Variants in KMT2A observed in about 807,000 individuals in gnomAD.
KMT2A encodes the protein lysine methyltransferase 2A.
KMT2A carries 16 observed loss-of-function variants against 345.3 expected under a neutral mutation model. That is an observed-to-expected ratio of 0.05 (90% CI 0.03 to 0.07). KMT2A has a LOEUF of 0.07. KMT2A is among the 10% of genes least tolerant of loss of function. KMT2A has a pLI of 1.00. For missense variants in KMT2A, 3,272 were observed against 4,841.6 expected (o/e 0.68, Z 9.62); for synonymous variants, 1,599 against 1,778.6 (o/e 0.90, Z 2.54).
intron 1 of KMT2A, among the ~76,000 whole-genome samples, chr11:118,442,191 C>T (rs1555026008): frequency 6.6e-6 from 1 of 152,200 alleles, no homozygotes; most frequent in Non-Finnish European, 1.5e-5. Flanking sequence ...TCTTTCCATT[C>T]TTCCTCTGCC....
rs1457317485 is a variant in KMT2A, at chr11:118,498,158, A to G, written c.5802+85A>G. ...CCTGTGGGTGAATATGGCCTCCCTGATATTTTTCACAGTGCCATCAGGGTA... is the reference window on the plus strand; with the variant it reads ...CCTGTGGGTGAATATGGCCTCCCTGGTATTTTTCACAGTGCCATCAGGGTA... On this transcript the variant is annotated intron_variant, in intron 21 of 35. Transcript: ENST00000534358. The surrounding 1 kb of genome is among the most constrained non-coding windows in gnomAD (Gnocchi z 4.4). 10 of 1,464,680 alleles carry G rather than the reference A, an allele frequency of 6.8e-6. No individual in the cohort carries two copies. The highest frequency in any genetic ancestry group is 1.2e-5 in the South Asian group (1 of 82,320). 90.7% of individuals were successfully genotyped at this position (1,464,680 alleles called of 1,614,324 possible). A position where few individuals can be genotyped will look rare whatever the true frequency, so the allele number is the denominator to read the frequency against.
Position 118,491,416 on chromosome 11 carries a change from T to C in KMT2A, c.4819+98T>C. 2.5e-6 allele frequency: 3 copies of C among 1,190,170 alleles called. No individual in the cohort carries two copies. The highest frequency in any genetic ancestry group is 1.6e-5 in the African/African-American group (1 of 64,214). 73.7% of individuals were successfully genotyped at this position (1,190,170 alleles called of 1,614,324 possible). A position where few individuals can be genotyped will look rare whatever the true frequency, so the allele number is the denominator to read the frequency against. ...ACCTAAAATTATGGTTGTGTTGTTA[T>C]TTGAAATCTCTAAATTTATTTTTTA... On this transcript the variant is annotated intron_variant, in intron 14 of 35. Coordinates refer to ENST00000534358, the MANE Select transcript of KMT2A (RefSeq NM_001197104.2). This position sits in a 1 kb window ranked among gnomAD's most constrained non-coding sequence, Gnocchi z 4.2.
At chr11:118,458,628 T>C (rs1360570099) in intron 1 of KMT2A, among the ~76,000 whole-genome samples, 1 of 152,202 alleles carries the variant, frequency 6.6e-6, no homozygotes, top group Non-Finnish European at 1.5e-5. Flanking sequence ...AGAAGACAAA[T>C]GTGTGAACAC....
chr11:118,498,453 C>G lies in KMT2A; in HGVS notation c.5886C>G (p.Ser1962=). ...CCAGCAACTATCACTTCATGTGTTC[C>G]CGAGCCAAGAACTGTGTCTTTCTGG... The part of the protein sequence containing the change: ...SCTSNYHFMC[S]RAKNCVFLDD... The change falls in exon 22 of 36, where the codon TCC becomes TCG. Residue 1962 remains serine (S), a synonymous_variant. Transcript: ENST00000534358. This position sits in a 1 kb window ranked among gnomAD's most constrained non-coding sequence, Gnocchi z 4.4. 1 of 1,613,794 alleles carries G rather than the reference C, an allele frequency of 6.2e-7. No homozygotes were observed. Among genetic ancestry groups the G allele is most frequent in the Non-Finnish European group, 8.5e-7 (1 of 1,179,918 alleles).
intron 31 of KMT2A, among the ~76,000 whole-genome samples, chr11:118,513,879 A>G (rs1214846857): frequency 6.7e-6 from 1 of 148,998 alleles, no homozygotes; most frequent in Admixed American, 6.7e-5. Context: ...TCAAGCCTAC[A>G]GTGAGCCAAG....
chr11:118,456,922 A>G (rs1555031064), intron 1 of KMT2A, among the ~76,000 whole-genome samples: 1 of 152,018 alleles, frequency 6.6e-6, no homozygotes, highest in African/African-American at 2.4e-5. Context: ...AACCTAATCA[A>G]CCTAAGCCAG....
At chr11:118,483,232 CA>C (rs35780241) in intron 8 of KMT2A, among the ~76,000 whole-genome samples, 9,372 of 115,790 alleles carry the variant, frequency 0.081, 390 homozygotes, top group Middle Eastern at 0.14. Flanking sequence ...GACTCCATCC[CA>C]AAAAAAAAAA....
At position 118,504,848 on chromosome 11, in the gene KMT2A, C is replaced by T; in HGVS notation, c.8956C>T (p.Pro2986Ser). 1 of 1,614,020 alleles carries T rather than the reference C, an allele frequency of 6.2e-7. No homozygotes were observed. The highest frequency in any genetic ancestry group is 8.5e-7 in the Non-Finnish European group (1 of 1,179,912). The change falls in exon 27 of 36, where the codon CCA (proline) becomes TCA (serine). Residue 2986 changes from proline to serine, a missense_variant. Physicochemically the swap from Pro to Ser is moderately conservative, Grantham distance 74. Around this residue, in one of 27 missense-constraint regions of KMT2A, gnomAD observed 748 missense variants for 922.2 expected, o/e 0.81. Transcript: ENST00000534358. The surrounding 1 kb of genome is among the most constrained non-coding windows in gnomAD (Gnocchi z 6.4). ...DPALLSPGVDPTPEGHMTPDH... is the reference protein window; with the variant it reads ...DPALLSPGVDSTPEGHMTPDH... ...AGCACTGCTGAGCCCAGGAGTAGAT[C>T]CAACTCCTGAAGGCCACATGACTCC...
chr11:118,487,663 A>C (rs1418647240), intron 10 of KMT2A, among the ~76,000 whole-genome samples: 1 of 152,206 alleles, frequency 6.6e-6, no homozygotes, highest in African/African-American at 2.4e-5. Context: ...TAAATATTTT[A>C]GTGTATATTT....
rs529275565 is a variant in KMT2A, at chr11:118,444,643, A to T, written c.432+7699A>T. Among the ~76,000 whole-genome samples, 229 of 152,282 alleles carry T rather than the reference A, an allele frequency of 1.5e-3. 3 individuals carry two copies. The highest frequency in any genetic ancestry group is 6.8e-3 in the Middle Eastern group (2 of 294). ...TAGGCTAGAGTGTAATGGCACAAACATTTCATTTCAGCCTCAACCTCCAGG... is the reference window on the plus strand; with the variant it reads ...TAGGCTAGAGTGTAATGGCACAAACTTTTCATTTCAGCCTCAACCTCCAGG... On this transcript the variant is annotated intron_variant, in intron 1 of 35. Transcript: ENST00000534358.
chr11:118,474,629 G>A (rs140355505), intron 3 of KMT2A, among the ~76,000 whole-genome samples: 101 of 152,300 alleles, frequency 6.6e-4, no homozygotes, highest in African/African-American at 2.4e-3. Flanking sequence ...AACTAAGGTT[G>A]GGACTATATC....
At position 118,503,263 on chromosome 11, in the gene KMT2A, T is replaced by C. The variant is rs1555046541; in HGVS notation, c.7371T>C (p.Thr2457=). The C allele has an allele frequency of 1.2e-6, 2 of 1,613,960 alleles. No homozygotes were observed. The highest frequency in any genetic ancestry group is 1.7e-6 in the Non-Finnish European group (2 of 1,180,022). Residue 2457 remains threonine, a synonymous_variant, in exon 27 of 36, where the codon ACT becomes ACC. Coordinates refer to ENST00000534358, the MANE Select transcript of KMT2A (RefSeq NM_001197104.2). This position sits in a 1 kb window ranked among gnomAD's most constrained non-coding sequence, Gnocchi z 5.3. ...KSFLEPGQVT[T]GEEGNLKPEF... ...TTTTGGAACCTGGTCAGGTGACAACTGGTGAGGAAGGAAACTTGAAGCCAG... is the reference window on the plus strand; with the variant it reads ...TTTTGGAACCTGGTCAGGTGACAACCGGTGAGGAAGGAAACTTGAAGCCAG...
At chr11:118,478,286 A>C in intron 5 of KMT2A, 85 bp downstream of exon 5, 2 of 1,000,224 alleles carry the variant, frequency 2.0e-6, no homozygotes, top group Non-Finnish European at 3.0e-6. Context: ...GAGATACATC[A>C]GGAAACTGAA....
chr11:118,499,767 G>A (rs1950470101), intron 23 of KMT2A, 68 bp from the exon 24 acceptor site: 1 of 1,193,664 alleles, frequency 8.4e-7, no homozygotes, highest in Non-Finnish European at 1.3e-6. Context: ...GCGACAGAGT[G>A]AGACTCTCTC....
In KMT2A at chr11:118,516,121, T is replaced by G. The variant is rs114256097; in HGVS notation, c.11147-3497T>G. 4.5e-3 allele frequency among the ~76,000 whole-genome samples: 679 copies of G among 152,270 alleles called. 2 individuals carry two copies. Among genetic ancestry groups the G allele is most frequent in the African/African-American group, 0.016 (651 of 41,544 alleles). Reference sequence around the variant, plus strand: ...CCAGTCCAAAACCTGTCCATTATACTCCATTTCCAGTGCTGCCACCTTGTC... The same window carrying G: ...CCAGTCCAAAACCTGTCCATTATACGCCATTTCCAGTGCTGCCACCTTGTC... On this transcript the variant is annotated intron_variant, in intron 31 of 35. Coordinates refer to ENST00000534358, the MANE Select transcript of KMT2A (RefSeq NM_001197104.2).
intron 1 of KMT2A, among the ~76,000 whole-genome samples, chr11:118,468,267 G>A (rs899410399): frequency 6.6e-6 from 1 of 152,090 alleles, no homozygotes; most frequent in Non-Finnish European, 1.5e-5. Context: ...ACATCTAAAT[G>A]TCAATTCCTG....
At chr11:118,511,173 G>A (rs1364507919) in intron 30 of KMT2A, among the ~76,000 whole-genome samples, 1 of 152,162 alleles carries the variant, frequency 6.6e-6, no homozygotes, top group Admixed American at 6.5e-5. Flanking sequence ...GCATGAACTG[G>A]AGATGCTCAA....
Position 118,475,261 on chromosome 11 carries a change from G to GT in KMT2A, c.3156+956dup, listed in dbSNP as rs1277408951. The stretch of plus-strand genomic sequence containing the variant: ...TATTTTTACAAAGACCAGCATTTTT[G>GT]TTTTTTTTTTATTGTTTTGTTTATT... On this transcript the variant is annotated intron_variant, in intron 3 of 35. Transcript: ENST00000534358. Among the ~76,000 whole-genome samples, 681 of 147,864 alleles carry GT rather than the reference G, an allele frequency of 4.6e-3. 3 individuals are homozygous for GT. The highest frequency in any genetic ancestry group is 0.011 in the Middle Eastern group (3 of 282).
Position 118,476,478 on chromosome 11 carries a change from G to A in KMT2A, c.3157-327G>A, listed in dbSNP as rs1339869454. On this transcript the variant is annotated intron_variant, in intron 3 of 35. Transcript: ENST00000534358. This position sits in a 1 kb window ranked among gnomAD's most constrained non-coding sequence, Gnocchi z 4.1. ...CCTGAGTAGCTAGAACTACAGGTGTGTACCACCACGCCCAGCCAATTTTTA... is the reference window on the plus strand; with the variant it reads ...CCTGAGTAGCTAGAACTACAGGTGTATACCACCACGCCCAGCCAATTTTTA... Among the ~76,000 whole-genome samples, 1 of 152,092 alleles carries A rather than the reference G, an allele frequency of 6.6e-6. No individual in the cohort carries two copies. The highest frequency in any genetic ancestry group is 1.5e-5 in the Non-Finnish European group (1 of 68,024).
Sources: allele counts gnomAD v4.1 joint callset (sites outside exome capture counted in the v4.1 genomes callset), GRCh38; gene constraint gnomAD v4.1.1; regional missense constraint gnomAD v4.1.1; non-coding constraint Gnocchi (gnomAD v3.1); transcripts MANE v1.5; gene names NCBI Gene and HGNC (gene_info 2026-07-23, HGNC 2026-07-21).